PSME2: variants seen among roughly 807,000 people sequenced by gnomAD.
The protein encoded by PSME2 is proteasome activator complex subunit 2.
In PSME2, 20 loss-of-function variants were observed where a neutral mutation model predicts 38.8. The ratio of observed to expected loss-of-function variants is 0.52; its 90% confidence interval spans 0.36 to 0.75. The LOEUF is 0.75. PSME2 is among the 30% of genes least tolerant of loss of function. The pLI, the probability that PSME2 is intolerant of heterozygous loss-of-function variation, is 0.00. For missense variants in PSME2, 227 were observed against 287.6 expected (o/e 0.79, Z 1.52); for synonymous variants, 82 against 102.5 (o/e 0.80, Z 1.21).
At position 24,144,221 on chromosome 14, in the gene PSME2, T is replaced by C; in HGVS notation, c.468A>G (p.Lys156=). The change falls in exon 8 of 11, where the codon AAA becomes AAG. Residue 156 remains lysine (K), a synonymous_variant. Coordinates refer to ENST00000216802, the MANE Select transcript of PSME2 (RefSeq NM_002818.3). ...VLERVNAVKT[K]VEAFQTTISK... is the part of the protein sequence containing the mutation. Reference sequence around the variant, plus strand: ...AAATGGTTGTCTGGAAAGCTTCCACTTTGGTCTTGACGGCATTCACCCTCT... The same window carrying C: ...AAATGGTTGTCTGGAAAGCTTCCACCTTGGTCTTGACGGCATTCACCCTCT... The C allele has an allele frequency of 6.2e-7, 1 of 1,614,196 alleles. No homozygotes were observed. The highest frequency in any genetic ancestry group is 1.7e-5 in the Admixed American group (1 of 60,018).
In PSME2 at chr14:24,143,633, T is replaced by C; in HGVS notation, c.591A>G (p.Ala197=). ...CCATGGCCCTGAGCTCCCCATAGGC[T>C]GCCTCATCTCGCTCATGCACCAAGG... ...YRALVHERDE[A]AYGELRAMVL... is the part of the protein sequence containing the mutation. Residue 197 remains alanine, a synonymous_variant, in exon 10 of 11, where the codon GCA becomes GCG. Coordinates refer to ENST00000216802, the MANE Select transcript of PSME2 (RefSeq NM_002818.3). The surrounding 1 kb of genome is among the most constrained non-coding windows in gnomAD (Gnocchi z 4.4). The C allele has an allele frequency of 6.2e-7, 1 of 1,614,122 alleles. No homozygotes were observed. The highest frequency in any genetic ancestry group is 8.5e-7 in the Non-Finnish European group (1 of 1,180,024).
Sources: gnomAD v4.1 joint callset for allele counts on GRCh38, gnomAD v4.1.1 for gene constraint, Gnocchi (gnomAD v3.1) non-coding constraint, MANE v1.5 for transcripts, NCBI Gene and HGNC (gene_info 2026-07-23, HGNC 2026-07-21) for gene names.